LDAF1: variants seen among roughly 807,000 people sequenced by gnomAD.
LDAF1 encodes PROMETHIN.
LDAF1 carries 7 observed loss-of-function variants against 13.5 expected under a neutral mutation model. The observed-to-expected ratio is 0.52, with a 90% CI of 0.29 to 0.97. LDAF1 has a LOEUF of 0.97. Ranked by LOEUF, LDAF1 falls within the 50% of genes least tolerant of loss-of-function variation. The probability of loss-of-function intolerance (pLI) is 0.07; values close to 1 mark genes in which losing one functional copy is unlikely to be tolerated. For synonymous variants in LDAF1, 69 were observed against 77.1 expected (o/e 0.89, Z 0.55); for missense variants, 148 against 193.2 (o/e 0.77, Z 1.39).
chr16:21,174,921 A>G (rs1342677490), intron 4 of LDAF1, among the ~76,000 whole-genome samples: 1 of 152,168 alleles, frequency 6.6e-6, no homozygotes, highest in Middle Eastern at 3.2e-3. Context: ...GTTTCTCACC[A>G]ACTGAGTGTG....
chr16:21,170,515 A>G lies in LDAF1; in HGVS notation c.175A>G (p.Ile59Val). The G allele has an allele frequency of 1.2e-6, 2 of 1,613,932 alleles. No individual in the cohort carries two copies. Among genetic ancestry groups the G allele is most frequent in the Non-Finnish European group, 1.7e-6 (2 of 1,179,998 alleles). Reference sequence around the variant, plus strand: ...TCTGGCCTTCACCTTGCTGGTGTTCATTGTCATGTCGGCCGTTCCTGTTGG... The same window carrying G: ...TCTGGCCTTCACCTTGCTGGTGTTCGTTGTCATGTCGGCCGTTCCTGTTGG... The part of the protein sequence containing the change: ...PFLAFTLLVF[I>V]VMSAVPVGFF... The change falls in exon 3 of 5, where the codon ATT (isoleucine) becomes GTT (valine). Residue 59 changes from isoleucine to valine, a missense_variant. Coordinates refer to ENST00000233047, the MANE Select transcript of LDAF1 (RefSeq NM_001301771.2).
intron 2 of LDAF1, among the ~76,000 whole-genome samples, chr16:21,168,933 AATATTT>A (rs1430254570): frequency 7.7e-6 from 1 of 130,576 alleles, no homozygotes; most frequent in Non-Finnish European, 1.6e-5. Flanking sequence ...TATATATTTA[AATATTT>A]ATATTTATAG....
At chr16:21,163,416 C>T (rs563707210) in intron 2 of LDAF1, among the ~76,000 whole-genome samples, 6 of 152,200 alleles carry the variant, frequency 3.9e-5, no homozygotes, top group South Asian at 4.1e-4. Context: ...GAGGCCGAGG[C>T]GGGTGGATCC....
intron 2 of LDAF1, among the ~76,000 whole-genome samples, chr16:21,168,068 G>A (rs549895120): frequency 2.0e-5 from 3 of 149,960 alleles, no homozygotes. Context: ...AGGCTGGAGT[G>A]CAATGGCGCC....
intron 2 of LDAF1, among the ~76,000 whole-genome samples, chr16:21,169,658 A>G (rs181533044): frequency 5.4e-4 from 82 of 152,278 alleles, no homozygotes; most frequent in African/African-American, 1.9e-3. Context: ...AGCTAAGCCT[A>G]TTTGTGTCTG....
intron 2 of LDAF1, among the ~76,000 whole-genome samples, chr16:21,169,437 T>C: frequency 6.6e-6 from 1 of 152,064 alleles, no homozygotes; most frequent in East Asian, 1.9e-4. Flanking sequence ...GCCTCCCAAG[T>C]AGCTAGGACT....
chr16:21,167,221 C>G (rs775806775), intron 2 of LDAF1, among the ~76,000 whole-genome samples: 2 of 152,232 alleles, frequency 1.3e-5, no homozygotes, highest in Non-Finnish European at 2.9e-5. Context: ...GAAAATCCCA[C>G]TGTTTAAACC....
chr16:21,165,653 A>C, intron 2 of LDAF1: 9 of 940,254 alleles, frequency 9.6e-6, no homozygotes, highest in Non-Finnish European at 1.1e-5. Context: ...CCTCTTGCAC[A>C]TGATTGCTAG....
intron 2 of LDAF1, chr16:21,166,800 G>A (rs1053641158): frequency 6.6e-7 from 1 of 1,520,670 alleles, no homozygotes; most frequent in African/African-American, 1.4e-5. Flanking sequence ...CATTCTGTGT[G>A]GTGACTCCCA....
At position 21,173,103 on chromosome 16, in the gene LDAF1, G is replaced by T. The variant is rs560220106; in HGVS notation, c.266-907G>T. On this transcript the variant is annotated intron_variant, in intron 3 of 4. Coordinates refer to ENST00000233047, the MANE Select transcript of LDAF1 (RefSeq NM_001301771.2). Reference sequence around the variant, plus strand: ...AATATTCCTATTCAGAGTGGGAATGGTATATTAAAATGGCATATAAAATGC... The same window carrying T: ...AATATTCCTATTCAGAGTGGGAATGTTATATTAAAATGGCATATAAAATGC... Among the ~76,000 whole-genome samples, 6 of 152,184 alleles carry T rather than the reference G, an allele frequency of 3.9e-5. No homozygotes were observed. The South Asian group carries it at 6.2e-4, about 16-fold the overall frequency.
At position 21,162,845 on chromosome 16, in the gene LDAF1, C is replaced by T. The variant is rs552071227; in HGVS notation, c.96+1567C>T. Among the ~76,000 whole-genome samples the T allele has an allele frequency of 3.9e-5, 6 of 152,288 alleles. No homozygotes were observed. The East Asian group carries it at 5.8e-4, about 15-fold the overall frequency. On this transcript the variant is annotated intron_variant, in intron 2 of 4. Transcript: ENST00000233047. ...TGATTCTCATTAACCATGGTAGTTA[C>T]GTTCTATAAAGTTACTGCAGACACT... is the stretch of plus-strand genomic sequence containing the variant.
At chr16:21,168,290 CA>C (rs1256714309) in intron 2 of LDAF1, among the ~76,000 whole-genome samples, 1 of 151,794 alleles carries the variant, frequency 6.6e-6, no homozygotes, top group Non-Finnish European at 1.5e-5. Context: ...GCTGGGATTA[CA>C]GGTATGAGCC....
At chr16:21,168,016 A>G (rs542817280) in intron 2 of LDAF1, among the ~76,000 whole-genome samples, 3 of 150,006 alleles carry the variant, frequency 2.0e-5, no homozygotes, top group South Asian at 2.1e-4. Flanking sequence ...CAAAAAAAAA[A>G]AAAGAAAGAA....
intron 2 of LDAF1, among the ~76,000 whole-genome samples, chr16:21,163,919 C>G (rs1331279721): frequency 6.6e-6 from 1 of 152,170 alleles, no homozygotes; most frequent in African/African-American, 2.4e-5. Flanking sequence ...CCACGCTGAT[C>G]TCCAACTCCT....
intron 2 of LDAF1, among the ~76,000 whole-genome samples, chr16:21,166,389 T>G (rs1398340182): frequency 6.6e-6 from 1 of 152,214 alleles, no homozygotes; most frequent in African/African-American, 2.4e-5. Flanking sequence ...CCCAACCTAT[T>G]GGAAACATAC....
intron 1 of LDAF1, chr16:21,159,970 C>T: frequency 1.0e-6 from 1 of 985,252 alleles, no homozygotes; most frequent in Non-Finnish European, 1.2e-6. Flanking sequence ...TAGTCCCCTC[C>T]TCAACTTTCC....
intron 4 of LDAF1, 82 bp downstream of exon 4, chr16:21,174,230 C>T (rs1466097544): frequency 1.5e-6 from 2 of 1,355,268 alleles, no homozygotes; most frequent in Non-Finnish European, 2.0e-6. Flanking sequence ...CACTCTGTCA[C>T]TCAGGCTGGA....
intron 4 of LDAF1, among the ~76,000 whole-genome samples, chr16:21,177,973 G>A (rs974134259): frequency 6.6e-5 from 10 of 152,118 alleles, no homozygotes; most frequent in African/African-American, 1.9e-4. Flanking sequence ...TTAAATGATC[G>A]AAAGCATGGA....
At chr16:21,169,172 A>T in intron 2 of LDAF1, 1 of 984,930 alleles carries the variant, frequency 1.0e-6, no homozygotes, top group Non-Finnish European at 1.2e-6. Context: ...AGATTTTGCA[A>T]CTTGGAGGCT....
Sources: gnomAD v4.1 joint callset for allele counts (sites outside exome capture counted in the v4.1 genomes callset) on GRCh38, gnomAD v4.1.1 for gene constraint, MANE v1.5 for transcripts, NCBI Gene and HGNC (gene_info 2026-07-23, HGNC 2026-07-21) for gene names.